MERTK: variants seen among roughly 807,000 people sequenced by gnomAD.
MERTK encodes tyrosine-protein kinase Mer.
MERTK carries 69 observed loss-of-function variants against 99.3 expected under a neutral mutation model. The observed-to-expected ratio is 0.70, with a 90% confidence interval of 0.57 to 0.85. The LOEUF (loss-of-function observed/expected upper bound fraction) is 0.85, where lower values mean the gene tolerates loss of function less well. Ranked by LOEUF, MERTK falls within the 40% of genes least tolerant of loss-of-function variation. The pLI is 0.00. For missense variants in MERTK, 1,125 were observed against 1,249.4 expected (o/e 0.90, Z 1.50); for synonymous variants, 426 against 467.6 (o/e 0.91, Z 1.15).
chr2:111,898,667 G>T lies in MERTK; in HGVS notation c.-69G>T. On this transcript the variant is annotated 5_prime_UTR_variant, in exon 1 of 19. Transcript: ENST00000295408. ...AGCTTCGCTGGCGCGCTTGGCCGGC[G>T]ACAGGACAGGTTCGGGACGTCCATC... The T allele has an allele frequency of 6.5e-7, 1 of 1,549,648 alleles. No individual in the cohort carries two copies. Among genetic ancestry groups the T allele is most frequent in the African/African-American group, 1.4e-5 (1 of 73,476 alleles).
At chr2:112,028,105 A>G (rs1573653592) in intron 18 of MERTK, 1 of 554,422 alleles carries the variant, frequency 1.8e-6, no homozygotes, top group East Asian at 3.2e-5. Flanking sequence ...CCTTATCTGC[A>G]AAGTTAGATA....
At chr2:111,988,472 A>T (rs1430037230) in intron 8 of MERTK, among the ~76,000 whole-genome samples, 2 of 152,186 alleles carry the variant, frequency 1.3e-5, no homozygotes, top group Non-Finnish European at 2.9e-5. Flanking sequence ...TAATGCACTA[A>T]GACTTGAAAG....
intron 1 of MERTK, among the ~76,000 whole-genome samples, chr2:111,923,036 G>A (rs530155295): frequency 6.6e-6 from 1 of 152,258 alleles, no homozygotes; most frequent in African/African-American, 2.4e-5. Flanking sequence ...TCCAAGTTCT[G>A]TCTCCAGCCA....
chr2:111,911,995 C>T (rs1053609227), intron 1 of MERTK, among the ~76,000 whole-genome samples: 2 of 117,870 alleles, frequency 1.7e-5, no homozygotes, highest in Admixed American at 9.2e-5. Flanking sequence ...GGCTTCCAAT[C>T]GCTTTATTTA....
chr2:111,933,035 C>T (rs1209465548), intron 2 of MERTK, among the ~76,000 whole-genome samples: 4 of 152,166 alleles, frequency 2.6e-5, no homozygotes, highest in African/African-American at 9.7e-5. Flanking sequence ...TCAAGGTGAA[C>T]TTTAGAATGA....
At chr2:111,918,641 T>C (rs1441299839) in intron 1 of MERTK, among the ~76,000 whole-genome samples, 1 of 152,188 alleles carries the variant, frequency 6.6e-6, no homozygotes, top group Non-Finnish European at 1.5e-5. Flanking sequence ...ATTGCAAGAG[T>C]TGAATGGTCT....
chr2:111,926,717 C>T (rs148843653), intron 1 of MERTK, among the ~76,000 whole-genome samples: 38 of 152,170 alleles, frequency 2.5e-4, no homozygotes, highest in African/African-American at 8.9e-4. Context: ...GGTGACAGAG[C>T]GAGACTCCAT....
intron 6 of MERTK, among the ~76,000 whole-genome samples, chr2:111,975,082 C>A (rs1360862171): frequency 6.6e-6 from 1 of 152,128 alleles, no homozygotes; most frequent in Non-Finnish European, 1.5e-5. Context: ...TTATTTTAGG[C>A]GTTTTCCTCA....
intron 15 of MERTK, among the ~76,000 whole-genome samples, chr2:112,011,777 T>G (rs1040875026): frequency 1.3e-5 from 2 of 152,140 alleles, no homozygotes; most frequent in Non-Finnish European, 1.5e-5. Context: ...CAAGGTTTAT[T>G]AAGTTCATTA....
In MERTK at chr2:111,938,179, C is replaced by T. The variant is rs921701289; in HGVS notation, c.483-6781C>T. On this transcript the variant is annotated intron_variant, in intron 2 of 18. Coordinates refer to ENST00000295408, the MANE Select transcript of MERTK (RefSeq NM_006343.3). ...GCAGCCTCGACCTCCCAGGCTCAAG[C>T]GATCCTCCCACCTCAGCCTCCCCAG... is the stretch of plus-strand genomic sequence containing the variant. 6.6e-5 allele frequency among the ~76,000 whole-genome samples: 10 copies of T among 152,148 alleles called. No individual in the cohort carries two copies. In the East Asian group the frequency reaches 9.6e-4, roughly 15 times the overall value.
chr2:111,902,479 G>A (rs931328604), intron 1 of MERTK, among the ~76,000 whole-genome samples: 1 of 152,128 alleles, frequency 6.6e-6, no homozygotes, highest in African/African-American at 2.4e-5. Flanking sequence ...GACTCACAGC[G>A]AACCTCTTTG....
chr2:111,916,783 C>G (rs1684359134), intron 1 of MERTK, among the ~76,000 whole-genome samples: 1 of 151,798 alleles, frequency 6.6e-6, no homozygotes, highest in Non-Finnish European at 1.5e-5. Context: ...ATTTTGAGAC[C>G]CTGGATCTTA....
chr2:112,001,330 T>C, intron 11 of MERTK, 44 bp downstream of exon 11: 6 of 1,453,948 alleles, frequency 4.1e-6, no homozygotes, highest in Non-Finnish European at 5.8e-6. Context: ...GTTAAAATAG[T>C]TGAGAACAAA....
intron 2 of MERTK, chr2:111,940,928 T>C: frequency 1.5e-6 from 1 of 673,876 alleles, no homozygotes; most frequent in Non-Finnish European, 2.9e-6. Context: ...TAGTATCTGA[T>C]TTTCTGGTCT....
chr2:111,989,268 G>C (rs1676558764), intron 8 of MERTK, among the ~76,000 whole-genome samples: 1 of 151,944 alleles, frequency 6.6e-6, no homozygotes, highest in African/African-American at 2.4e-5. Context: ...AGTCACCTTT[G>C]TTGTTGTCAT....
intron 18 of MERTK, among the ~76,000 whole-genome samples, chr2:112,027,175 A>G (rs1357193797): frequency 3.3e-5 from 5 of 150,690 alleles, no homozygotes; most frequent in Non-Finnish European, 7.4e-5. Context: ...ATATATATAT[A>G]TACACACACA....
At chr2:111,955,793 G>A (rs1374947858) in intron 4 of MERTK, among the ~76,000 whole-genome samples, 1 of 151,976 alleles carries the variant, frequency 6.6e-6, no homozygotes, top group African/African-American at 2.4e-5. Context: ...TTTATCATGG[G>A]CAAAACCAAA....
intron 1 of MERTK, among the ~76,000 whole-genome samples, chr2:111,926,279 T>C (rs570738239): frequency 1.3e-3 from 199 of 152,326 alleles, no homozygotes; most frequent in African/African-American, 4.7e-3. Flanking sequence ...TTCCCATTTT[T>C]GCCTTCTAAG....
chr2:111,944,834 C>T (rs537188141), intron 2 of MERTK, 126 bp from the exon 3 acceptor site: 5 of 813,810 alleles, frequency 6.1e-6, no homozygotes, highest in Non-Finnish European at 8.1e-6. Context: ...GTACAATGGC[C>T]TAGCCAAGCT....
Sources: gnomAD v4.1 joint callset for allele counts (sites outside exome capture counted in the v4.1 genomes callset) on GRCh38, gnomAD v4.1.1 for gene constraint, MANE v1.5 for transcripts, NCBI Gene and HGNC (gene_info 2026-07-23, HGNC 2026-07-21) for gene names.